Variants in LRRC7 observed in about 807,000 individuals in gnomAD.
LRRC7 encodes the protein leucine rich repeat containing 7, also known as leucine-rich repeat-containing protein 7.
Under a neutral mutation model 175.7 loss-of-function variants are expected in LRRC7, and 23 were observed. The observed-to-expected ratio is 0.13, with a 90% CI of 0.09 to 0.19. LRRC7 has a LOEUF of 0.19. LRRC7 is among the 10% of genes least tolerant of loss of function. LRRC7 has a pLI of 1.00. For synonymous variants in LRRC7, 685 were observed against 680.9 expected (o/e 1.01, Z -0.09); for missense variants, 1,354 against 1,904.7 (o/e 0.71, Z 5.38).
At chr1:69,627,901 C>T (rs890841306) in intron 1 of LRRC7, among the ~76,000 whole-genome samples, 2 of 104,900 alleles carry the variant, frequency 1.9e-5, no homozygotes, top group Non-Finnish European at 5.0e-5. Context: ...AAAAGCTTAA[C>T]CAATTATTCC....
chr1:69,828,786 T>C (rs1329753384), intron 5 of LRRC7, among the ~76,000 whole-genome samples: 1 of 152,044 alleles, frequency 6.6e-6, no homozygotes, highest in Non-Finnish European at 1.5e-5. Flanking sequence ...AAAATGCCTT[T>C]CCAGCTAGAA....
At chr1:70,116,419 C>T (rs1665855490) in intron 26 of LRRC7, among the ~76,000 whole-genome samples, 1 of 152,140 alleles carries the variant, frequency 6.6e-6, no homozygotes, top group South Asian at 2.1e-4. Flanking sequence ...TGGTGGCAGG[C>T]GCCTGTAGTC....
chr1:69,883,621 A>G lies in LRRC7; in HGVS notation c.647+45338A>G, dbSNP rs1314743535. Among the ~76,000 whole-genome samples the G allele has an allele frequency of 5.2e-4, 52 of 99,812 alleles. 17 individuals carry two copies. The highest frequency in any genetic ancestry group is 1.9e-3 in the African/African-American group (50 of 26,284). The allele number at this position is 99,812 out of a possible 152,430, so 65.5% of individuals were successfully genotyped here. A position where few individuals can be genotyped will look rare whatever the true frequency, so the allele number is the denominator to read the frequency against. On this transcript the variant is annotated intron_variant, in intron 7 of 26. Transcript: ENST00000651989. ...TGTGCAAAAGCTCTTTAGTTTAATTAGATCCCATTTGTCAATTTTGTCTTT... is the reference window on the plus strand; with the variant it reads ...TGTGCAAAAGCTCTTTAGTTTAATTGGATCCCATTTGTCAATTTTGTCTTT...
chr1:69,909,207 T>G (rs1340757911), intron 7 of LRRC7, among the ~76,000 whole-genome samples: 1 of 152,138 alleles, frequency 6.6e-6, no homozygotes, highest in Non-Finnish European at 1.5e-5. Flanking sequence ...CACTGATGGG[T>G]CTTGACTCTT....
At chr1:69,803,934 A>G (rs1023005895) in intron 4 of LRRC7, among the ~76,000 whole-genome samples, 7 of 151,140 alleles carry the variant, frequency 4.6e-5, no homozygotes, top group Non-Finnish European at 3.0e-5. Context: ...TTTCTACTTT[A>G]TTAATCTCTC....
chr1:69,756,194 T>C lies in LRRC7; in HGVS notation c.101-3997T>C, dbSNP rs182959102. On this transcript the variant is annotated intron_variant, in intron 2 of 26. Coordinates refer to ENST00000651989, the MANE Select transcript of LRRC7 (RefSeq NM_001370785.2). ...TAAGACAAGACATGGATTTAGGAGA[T>C]AAAGTTGTGAAAATCTCACAGAAAA... is the stretch of plus-strand genomic sequence containing the variant. Among the ~76,000 whole-genome samples, 113 of 151,794 alleles carry C rather than the reference T, an allele frequency of 7.4e-4. 2 individuals are homozygous for C. The South Asian group carries it at 0.011, about 14-fold the overall frequency.
rs751209733 is a variant in LRRC7, at chr1:69,568,613, C to T, written c.-27C>T. Reference sequence around the variant, plus strand: ...AGCTGCACGACTACGCTCTCCGAAACCTCATGGGCAGTTTCTCCCGCCGGC... The same window carrying T: ...AGCTGCACGACTACGCTCTCCGAAATCTCATGGGCAGTTTCTCCCGCCGGC... On this transcript the variant is annotated 5_prime_UTR_variant, in exon 1 of 27. Transcript: ENST00000651989. 2 of 1,351,400 alleles carry T rather than the reference C, an allele frequency of 1.5e-6. No homozygotes were observed. Among genetic ancestry groups the T allele is most frequent in the Non-Finnish European group, 2.0e-6 (2 of 1,015,772 alleles). The allele number at this position is 1,351,400 out of a possible 1,614,324, so 83.7% of individuals were successfully genotyped here. A position where few individuals can be genotyped will look rare whatever the true frequency, so the allele number is the denominator to read the frequency against.
chr1:69,955,633 A>G (rs1650411189), intron 8 of LRRC7, among the ~76,000 whole-genome samples: 1 of 152,054 alleles, frequency 6.6e-6, no homozygotes, highest in Non-Finnish European at 1.5e-5. Context: ...AATCCAAATC[A>G]GGTTGATAAA....
intron 2 of LRRC7, among the ~76,000 whole-genome samples, chr1:69,712,235 A>AACACACACACACACACAC (rs57948269): frequency 6.6e-6 from 1 of 150,596 alleles, no homozygotes; most frequent in South Asian, 2.1e-4. Flanking sequence ...TGAGAAAAAG[A>AACACACACACACACACAC]ACACACACAC....
chr1:69,956,358 C>T (rs1650484062), intron 8 of LRRC7, among the ~76,000 whole-genome samples: 1 of 151,788 alleles, frequency 6.6e-6, no homozygotes, highest in Non-Finnish European at 1.5e-5. Flanking sequence ...TCCCATAACA[C>T]AGAGCTGCAT....
intron 7 of LRRC7, among the ~76,000 whole-genome samples, chr1:69,884,171 T>G (rs1478354413): frequency 1.4e-4 from 11 of 77,626 alleles, no homozygotes; most frequent in African/African-American, 4.7e-4. Flanking sequence ...GGTAGCTTGA[T>G]GGGGATGGCA....
chr1:69,868,028 C>T (rs1685122246), intron 7 of LRRC7, among the ~76,000 whole-genome samples: 1 of 152,074 alleles, frequency 6.6e-6, no homozygotes, highest in Non-Finnish European at 1.5e-5. Flanking sequence ...GTATGAGAAT[C>T]ATACCATACC....
At chr1:69,660,523 TGGTAA>T (rs1234160379) in intron 1 of LRRC7, among the ~76,000 whole-genome samples, 1 of 152,056 alleles carries the variant, frequency 6.6e-6, no homozygotes, top group African/African-American at 2.4e-5. Flanking sequence ...AAGTACAGCC[TGGTAA>T]GGAGGATCAA....
intron 1 of LRRC7, among the ~76,000 whole-genome samples, chr1:69,621,345 C>A (rs1221215423): frequency 2.0e-5 from 3 of 152,142 alleles, no homozygotes; most frequent in African/African-American, 7.2e-5. Context: ...CGCACCCAGC[C>A]TCTTGTATTT....
intron 2 of LRRC7, among the ~76,000 whole-genome samples, chr1:69,716,787 T>A (rs1665401526): frequency 6.6e-6 from 1 of 151,816 alleles, no homozygotes; most frequent in Non-Finnish European, 1.5e-5. Flanking sequence ...AAGCATGCAA[T>A]GTTTAGATAA....
At position 70,038,443 on chromosome 1, in the gene LRRC7, A is replaced by T; in HGVS notation, c.2619A>T (p.Glu873Asp). ...CACACAGACACACACCAGAAACAGAAGTGCCTCCTTCCAATCCTTGGCAGA... is the reference window on the plus strand; with the variant it reads ...CACACAGACACACACCAGAAACAGATGTGCCTCCTTCCAATCCTTGGCAGA... ...QSTHRHTPET[E>D]VPPSNPWQNW... The change falls in exon 21 of 27, where the codon GAA becomes GAT. Residue 873 changes from glutamate to aspartate, a missense_variant. Around this residue, in one of 4 missense-constraint regions of LRRC7, gnomAD observed 1,032 missense variants for 1,227.2 expected, o/e 0.84. Coordinates refer to ENST00000651989, the MANE Select transcript of LRRC7 (RefSeq NM_001370785.2). 1 of 1,614,170 alleles carries T rather than the reference A, an allele frequency of 6.2e-7. No individual in the cohort carries two copies. Among genetic ancestry groups the T allele is most frequent in the Non-Finnish European group, 8.5e-7 (1 of 1,180,008 alleles).
intron 5 of LRRC7, among the ~76,000 whole-genome samples, chr1:69,833,302 T>C (rs1411905214): frequency 6.6e-6 from 1 of 152,074 alleles, no homozygotes; most frequent in Non-Finnish European, 1.5e-5. Flanking sequence ...TTCAAAACCA[T>C]GCAAAACCAT....
At chr1:69,921,684 T>C (rs1406275282) in intron 7 of LRRC7, among the ~76,000 whole-genome samples, 2 of 152,192 alleles carry the variant, frequency 1.3e-5, no homozygotes, top group East Asian at 3.9e-4. Flanking sequence ...GCCTTATGGC[T>C]AACATATCCT....
chr1:69,845,977 T>G (rs377595612), intron 7 of LRRC7, among the ~76,000 whole-genome samples: 1 of 152,246 alleles, frequency 6.6e-6, no homozygotes, highest in African/African-American at 2.4e-5. Context: ...AACCCTCAGT[T>G]TGACAAGCTA....
Sources: allele counts gnomAD v4.1 joint callset (sites outside exome capture counted in the v4.1 genomes callset), GRCh38; gene constraint gnomAD v4.1.1; regional missense constraint gnomAD v4.1.1; transcripts MANE v1.5; gene names NCBI Gene and HGNC (gene_info 2026-07-23, HGNC 2026-07-21).